The following STXBP5L variants were observed in gnomAD, a reference collection of about 807,000 sequenced individuals.
The protein encoded by STXBP5L is syntaxin binding protein 5L, also known as syntaxin-binding protein 5-like.
A neutral mutation model predicts 144.5 loss-of-function variants in STXBP5L; 65 were observed. The observed-to-expected ratio is 0.45, with a 90% CI of 0.37 to 0.55. STXBP5L has a LOEUF of 0.55. STXBP5L is among the 20% of genes least tolerant of loss of function. The pLI, the probability that STXBP5L is intolerant of heterozygous loss-of-function variation, is 0.00. For synonymous variants in STXBP5L, 505 were observed against 469.6 expected (o/e 1.08, Z -0.97); for missense variants, 1,298 against 1,405.5 (o/e 0.92, Z 1.22).
chr3:121,028,430 A>G (rs557248233), intron 3 of STXBP5L, among the ~76,000 whole-genome samples: 2 of 152,210 alleles, frequency 1.3e-5, no homozygotes, highest in South Asian at 2.1e-4. Flanking sequence ...AGAAATTTTT[A>G]TGTAGGTCTT....
At chr3:121,160,847 A>G (rs887234119) in intron 9 of STXBP5L, among the ~76,000 whole-genome samples, 1 of 152,044 alleles carries the variant, frequency 6.6e-6, no homozygotes, top group Non-Finnish European at 1.5e-5. Flanking sequence ...TAATCTAAGC[A>G]TTTTATTTTC....
chr3:121,088,946 G>T (rs1472746779), intron 5 of STXBP5L, among the ~76,000 whole-genome samples: 1 of 76,374 alleles, frequency 1.3e-5, no homozygotes, highest in Non-Finnish European at 2.5e-5. Flanking sequence ...CTGTGGTGGG[G>T]TCGGGGGAGG....
chr3:121,252,747 C>T (rs1202578577), intron 15 of STXBP5L, among the ~76,000 whole-genome samples: 1 of 152,170 alleles, frequency 6.6e-6, no homozygotes, highest in East Asian at 1.9e-4. Context: ...TAAAACAATA[C>T]CCATTTATCA....
intron 11 of STXBP5L, among the ~76,000 whole-genome samples, chr3:121,231,080 T>C (rs1360332689): frequency 6.6e-6 from 1 of 152,178 alleles, no homozygotes; most frequent in Non-Finnish European, 1.5e-5. Context: ...CTTCTTTCTC[T>C]ACCTGCCAGG....
chr3:121,006,183 G>C (rs914282778), intron 3 of STXBP5L, among the ~76,000 whole-genome samples: 3 of 152,164 alleles, frequency 2.0e-5, no homozygotes, highest in Non-Finnish European at 4.4e-5. Flanking sequence ...TTGTGTGGGA[G>C]TCTAAGTCTC....
At chr3:121,009,995 CAT>C (rs1559995895) in intron 3 of STXBP5L, among the ~76,000 whole-genome samples, 1 of 151,818 alleles carries the variant, frequency 6.6e-6, no homozygotes, top group Non-Finnish European at 1.5e-5. Context: ...GCTATGTTGA[CAT>C]GTTCTAGTAA....
At chr3:121,115,195 A>G in intron 6 of STXBP5L, 136 bp downstream of exon 6, 1 of 849,968 alleles carries the variant, frequency 1.2e-6, no homozygotes, top group Non-Finnish European at 1.7e-6. Flanking sequence ...CAGTAAAATA[A>G]CTTAAAGCCA....
chr3:121,349,016 C>CTCTTGCTTCTCTAGTTCTTTTAA (rs1560004928), intron 20 of STXBP5L, among the ~76,000 whole-genome samples: 1 of 152,030 alleles, frequency 6.6e-6, no homozygotes. Context: ...AATGTGTTTG[C>CTCTTGCTTCTCTAGTTCTTTTAA]TCTTGCTTCT....
At chr3:121,355,792 T>A (rs1193010234) in intron 20 of STXBP5L, among the ~76,000 whole-genome samples, 2 of 152,206 alleles carry the variant, frequency 1.3e-5, no homozygotes, top group African/African-American at 4.8e-5. Context: ...ATTTTCAGCT[T>A]TTCTGCTCTG....
chr3:121,210,981 G>A (rs1245133335), intron 10 of STXBP5L, among the ~76,000 whole-genome samples: 4 of 152,154 alleles, frequency 2.6e-5, no homozygotes, highest in Non-Finnish European at 4.4e-5. Context: ...GTCATTGGTA[G>A]CTTGATGGGG....
chr3:120,980,155 G>T (rs904716664), intron 3 of STXBP5L, among the ~76,000 whole-genome samples: 1 of 152,122 alleles, frequency 6.6e-6, no homozygotes, highest in African/African-American at 2.4e-5. Context: ...ATATTTTGGG[G>T]GATGTTTCAT....
At chr3:121,084,238 G>A (rs1032734466) in intron 5 of STXBP5L, among the ~76,000 whole-genome samples, 2 of 152,048 alleles carry the variant, frequency 1.3e-5, no homozygotes. Flanking sequence ...TGATACATGT[G>A]TAAGACATGG....
chr3:121,423,815 A>G lies in STXBP5L; in HGVS notation c.*4718A>G, dbSNP rs571433643. On this transcript the variant is annotated 3_prime_UTR_variant, in exon 27 of 27. Transcript: ENST00000471454. ...GAGTGGTCAGGGAAGGCAAGATGTA[A>G]GATATAGTAATGGTATTTATTCTGT... 1 of 152,180 alleles carries G rather than the reference A, an allele frequency of 6.6e-6. No homozygotes were observed. The highest frequency in any genetic ancestry group is 1.5e-5 in the Non-Finnish European group (1 of 68,030). The allele number at this position is 152,180 out of a possible 1,614,324, so 9.4% of individuals were successfully genotyped here.
intron 3 of STXBP5L, among the ~76,000 whole-genome samples, chr3:121,027,099 GTATA>G (rs149990042): frequency 6.6e-6 from 1 of 151,438 alleles, no homozygotes; most frequent in Non-Finnish European, 1.5e-5. Context: ...GTGTATATAT[GTATA>G]TATATATGTG....
intron 9 of STXBP5L, among the ~76,000 whole-genome samples, chr3:121,199,285 C>T (rs1157471288): frequency 1.3e-5 from 2 of 152,096 alleles, no homozygotes; most frequent in Non-Finnish European, 2.9e-5. Context: ...CTCTACTTGT[C>T]TATTATCGAT....
intron 16 of STXBP5L, among the ~76,000 whole-genome samples, chr3:121,255,545 A>G (rs975375415): frequency 6.6e-6 from 1 of 151,986 alleles, no homozygotes; most frequent in African/African-American, 2.4e-5. Context: ...TATAGGTTTT[A>G]TACATATAGT....
intron 3 of STXBP5L, among the ~76,000 whole-genome samples, chr3:120,994,209 T>G (rs1943157494): frequency 6.6e-6 from 1 of 152,146 alleles, no homozygotes; most frequent in South Asian, 2.1e-4. Context: ...CTTTAAGTTT[T>G]TCTGAATATA....
chr3:120,959,289 T>C (rs571548101), intron 3 of STXBP5L, among the ~76,000 whole-genome samples: 1 of 152,098 alleles, frequency 6.6e-6, no homozygotes, highest in Non-Finnish European at 1.5e-5. Flanking sequence ...ATGCTCATGG[T>C]TAGGAAGAAT....
intron 20 of STXBP5L, among the ~76,000 whole-genome samples, chr3:121,370,747 A>T (rs779729386): frequency 2.6e-5 from 4 of 152,144 alleles, no homozygotes; most frequent in Non-Finnish European, 5.9e-5. Context: ...CTATTATTTC[A>T]GAAAGCCAGA....
Sources: gnomAD v4.1 joint callset for allele counts (sites outside exome capture counted in the v4.1 genomes callset) on GRCh38, gnomAD v4.1.1 for gene constraint, MANE v1.5 for transcripts, NCBI Gene and HGNC (gene_info 2026-07-23, HGNC 2026-07-21) for gene names.